The following EEPD1 variants were observed in gnomAD, a reference collection of about 807,000 sequenced individuals.
The protein encoded by EEPD1 is endonuclease/exonuclease/phosphatase family domain containing 1, also known as endonuclease/exonuclease/phosphatase family domain-containing protein 1.
EEPD1 carries 17 observed loss-of-function variants against 46.3 expected under a neutral mutation model. That is an observed-to-expected ratio of 0.37 (90% CI 0.25 to 0.55). The LOEUF (loss-of-function observed/expected upper bound fraction) is 0.55, where lower values mean the gene tolerates loss of function less well. EEPD1 is among the 20% of genes least tolerant of loss of function. The pLI, the probability that EEPD1 is intolerant of heterozygous loss-of-function variation, is 0.83. For synonymous variants in EEPD1, 313 were observed against 315.6 expected (o/e 0.99, Z 0.09); for missense variants, 673 against 745.6 (o/e 0.90, Z 1.13).
intron 3 of EEPD1, among the ~76,000 whole-genome samples, chr7:36,240,988 G>T (rs1462971442): frequency 6.6e-6 from 1 of 152,160 alleles, no homozygotes. Flanking sequence ...ATGTATATAT[G>T]TCAGACAGAT....
chr7:36,154,810 G>A lies in EEPD1; in HGVS notation c.486G>A (p.Val162=), dbSNP rs930840503. 1 of 1,614,230 alleles carries A rather than the reference G, an allele frequency of 6.2e-7. No individual in the cohort carries two copies. Among genetic ancestry groups the A allele is most frequent in the African/African-American group, 1.3e-5 (1 of 75,066 alleles). ...GLSEKMALSI[V]DFRREHGPFR... The stretch of plus-strand genomic sequence containing the variant: ...CGGAGAAAATGGCCCTCAGCATCGT[G>A]GACTTCCGCCGTGAGCATGGGCCCT... Residue 162 remains valine, a synonymous_variant, in exon 2 of 8, where the codon GTG becomes GTA. Transcript: ENST00000242108. The surrounding 1 kb of genome is among the most constrained non-coding windows in gnomAD (Gnocchi z 4.2).
intron 3 of EEPD1, among the ~76,000 whole-genome samples, chr7:36,264,551 T>C (rs562573306): frequency 6.6e-6 from 1 of 152,328 alleles, no homozygotes; most frequent in East Asian, 1.9e-4. Flanking sequence ...GAAGTGTCTC[T>C]TCCTGGCCTG....
intron 6 of EEPD1, among the ~76,000 whole-genome samples, chr7:36,290,235 G>T (rs1219903789): frequency 1.3e-5 from 2 of 152,086 alleles, no homozygotes; most frequent in Non-Finnish European, 2.9e-5. Flanking sequence ...CCCACCCCTG[G>T]TATCCAGGGA....
chr7:36,289,400 A>C (rs1216965234), intron 6 of EEPD1, among the ~76,000 whole-genome samples: 10 of 152,178 alleles, frequency 6.6e-5, no homozygotes. Flanking sequence ...TGACTACTCT[A>C]GGTGCCCCAA....
chr7:36,274,447 G>A (rs912747908), intron 3 of EEPD1, among the ~76,000 whole-genome samples: 4 of 152,104 alleles, frequency 2.6e-5, no homozygotes, highest in Non-Finnish European at 5.9e-5. Context: ...TTTGTAGTAG[G>A]CTTCTTTGTT....
rs886863114 is a variant in EEPD1, at chr7:36,202,016, C to T, written c.879-36969C>T. Among the ~76,000 whole-genome samples the T allele has an allele frequency of 3.3e-5, 5 of 152,282 alleles. No individual in the cohort carries two copies. The East Asian group carries it at 5.8e-4, about 18-fold the overall frequency. On this transcript the variant is annotated intron_variant, in intron 2 of 7. Coordinates refer to ENST00000242108, the MANE Select transcript of EEPD1 (RefSeq NM_030636.3). ...AGAGCTTGTTGGAAATGCAGAATCT[C>T]GGGCCCCACCCACAGACTCAAGACT...
intron 2 of EEPD1, among the ~76,000 whole-genome samples, chr7:36,164,238 G>A (rs543278790): frequency 6.6e-6 from 1 of 152,290 alleles, no homozygotes; most frequent in East Asian, 1.9e-4. Context: ...AGCTTTTCAA[G>A]TATCCATCTT....
At chr7:36,162,642 T>A (rs1784917814) in intron 2 of EEPD1, among the ~76,000 whole-genome samples, 1 of 150,964 alleles carries the variant, frequency 6.6e-6, no homozygotes, top group South Asian at 2.1e-4. Context: ...GACCCTGTCT[T>A]AAAAAAAAAG....
At chr7:36,194,502 C>A (rs1313344434) in intron 2 of EEPD1, among the ~76,000 whole-genome samples, 1 of 152,200 alleles carries the variant, frequency 6.6e-6, no homozygotes, top group Non-Finnish European at 1.5e-5. Context: ...CTCCTGCCCC[C>A]TTCCTTCCCA....
chr7:36,297,750 G>T (rs1326227867), intron 7 of EEPD1, among the ~76,000 whole-genome samples: 4 of 152,190 alleles, frequency 2.6e-5, no homozygotes, highest in Non-Finnish European at 4.4e-5. Flanking sequence ...CAGGAGAAAT[G>T]CTCAGTGCTC....
intron 3 of EEPD1, among the ~76,000 whole-genome samples, chr7:36,253,531 T>C (rs565612334): frequency 1.4e-4 from 22 of 152,250 alleles, no homozygotes; most frequent in Non-Finnish European, 2.2e-4. Context: ...TGTTCTGTTA[T>C]TGAAAGTGGG....
chr7:36,205,417 C>T (rs968967209), intron 2 of EEPD1, among the ~76,000 whole-genome samples: 1 of 152,206 alleles, frequency 6.6e-6, no homozygotes, highest in Non-Finnish European at 1.5e-5. Context: ...CACATTGTAT[C>T]ATCCCTAAGT....
chr7:36,246,157 G>A (rs957472908), intron 3 of EEPD1, among the ~76,000 whole-genome samples: 4 of 152,184 alleles, frequency 2.6e-5, no homozygotes, highest in African/African-American at 9.7e-5. Context: ...GTGCCTGCCT[G>A]AGAAGCTGCC....
chr7:36,244,136 A>G (rs1786600147), intron 3 of EEPD1, among the ~76,000 whole-genome samples: 1 of 152,124 alleles, frequency 6.6e-6, no homozygotes, highest in South Asian at 2.1e-4. Context: ...GCAAACCTCA[A>G]ACCTCTTTTA....
chr7:36,242,585 A>G (rs1007428005), intron 3 of EEPD1, among the ~76,000 whole-genome samples: 1 of 152,100 alleles, frequency 6.6e-6, no homozygotes, highest in Non-Finnish European at 1.5e-5. Flanking sequence ...TTTGAGTGAC[A>G]TATGATATAT....
intron 2 of EEPD1, among the ~76,000 whole-genome samples, chr7:36,174,166 G>A (rs772713032): frequency 1.2e-4 from 19 of 152,168 alleles, no homozygotes; most frequent in Admixed American, 2.6e-4. Context: ...GTCCTTACCC[G>A]ACCAGTTCTG....
intron 3 of EEPD1, among the ~76,000 whole-genome samples, chr7:36,241,920 AT>A (rs1786560038): frequency 6.6e-6 from 1 of 152,216 alleles, no homozygotes; most frequent in African/African-American, 2.4e-5. Context: ...TGTACACCTG[AT>A]TTAGAGAGGT....
intron 2 of EEPD1, among the ~76,000 whole-genome samples, chr7:36,232,558 C>A (rs1396085123): frequency 6.6e-6 from 1 of 151,120 alleles, no homozygotes; most frequent in African/African-American, 2.4e-5. Context: ...TGCCCCTCCC[C>A]CTACTCCTAA....
intron 2 of EEPD1, among the ~76,000 whole-genome samples, chr7:36,206,708 C>T (rs1029587965): frequency 6.6e-6 from 1 of 152,168 alleles, no homozygotes; most frequent in Admixed American, 6.6e-5. Context: ...TTTCACAGGC[C>T]CTTCCAGTTA....
Sources: allele counts gnomAD v4.1 joint callset (sites outside exome capture counted in the v4.1 genomes callset), GRCh38; gene constraint gnomAD v4.1.1; non-coding constraint Gnocchi (gnomAD v3.1); transcripts MANE v1.5; gene names NCBI Gene and HGNC (gene_info 2026-07-23, HGNC 2026-07-21).